UNC5A: variants seen among roughly 807,000 people sequenced by gnomAD.
UNC5A encodes the protein unc-5 netrin receptor A.
In UNC5A, 20 loss-of-function variants were observed where a neutral mutation model predicts 87.4. The ratio of observed to expected loss-of-function variants is 0.23; its 90% confidence interval spans 0.16 to 0.33. UNC5A has a LOEUF of 0.33. Ranked by LOEUF, UNC5A falls within the 10% of genes least tolerant of loss-of-function variation. The pLI is 1.00. For missense variants in UNC5A, 844 were observed against 1,133.4 expected (o/e 0.74, Z 3.67); for synonymous variants, 438 against 482.3 (o/e 0.91, Z 1.20).
rs773981145 is a variant in UNC5A at position 176,878,041 on chromosome 5, C to T, written c.1783C>T (p.Leu595=). 3.0e-5 allele frequency: 48 copies of T among 1,609,252 alleles called. No homozygotes were observed. Among genetic ancestry groups the T allele is most frequent in the Non-Finnish European group, 4.0e-5 (47 of 1,179,966 alleles). The change falls in exon 11 of 15, where the codon CTG becomes TTG. Residue 595 remains leucine (L), a synonymous_variant. Transcript: ENST00000329542. The part of the protein sequence containing the change: ...LSVAAAKRLK[L]LLFAPVACTS... ...CGTGGCTGCCGCCAAGCGCCTCAAG[C>T]TGCTTCTGTTTGCGCCGGTGGCCTG... is the stretch of plus-strand genomic sequence containing the variant.
At chr5:176,853,873 G>A (rs768993299) in intron 1 of UNC5A, among the ~76,000 whole-genome samples, 1 of 152,206 alleles carries the variant, frequency 6.6e-6, no homozygotes, top group Non-Finnish European at 1.5e-5. Context: ...GGACCAAGGG[G>A]ACGGGAAGGG....
At position 176,838,636 on chromosome 5, in the gene UNC5A, T is replaced by G. The variant is rs953358772; in HGVS notation, c.71-23988T>G. Among the ~76,000 whole-genome samples, 5 of 152,268 alleles carry G rather than the reference T, an allele frequency of 3.3e-5. No homozygotes were observed. The highest frequency in any genetic ancestry group is 1.2e-4 in the African/African-American group (5 of 41,482). ...GCTCGCTGTTCTGCTCTGTCTTCCC[T>G]GGTGTTGGCCATATCCTCGGCTTCC... On this transcript the variant is annotated intron_variant, in intron 1 of 14. Coordinates refer to ENST00000329542, the MANE Select transcript of UNC5A (RefSeq NM_133369.3). The surrounding 1 kb of genome is among the most constrained non-coding windows in gnomAD (Gnocchi z 4.2).
intron 1 of UNC5A, among the ~76,000 whole-genome samples, chr5:176,845,835 A>C (rs1757390410): frequency 6.6e-6 from 1 of 152,208 alleles, no homozygotes; most frequent in South Asian, 2.1e-4. Flanking sequence ...TCAGGCGATG[A>C]GGAGTGTGCT....
chr5:176,870,544 C>T lies in UNC5A; in HGVS notation c.886+10C>T, dbSNP rs541885695. On this transcript the variant is annotated intron_variant, in intron 6 of 14. Coordinates refer to ENST00000329542, the MANE Select transcript of UNC5A (RefSeq NM_133369.3). ...GACCTCTGTGTACACAGTGAGTCCT[C>T]TCTGCCCTGAGGTCCTCTTCTGTTT... 1.7e-4 allele frequency: 261 copies of T among 1,572,584 alleles called. 1 individual carries two copies. In the East Asian group the frequency reaches 5.8e-3, roughly 35 times the overall value.
At chr5:176,861,508 G>A (rs1355486104) in intron 1 of UNC5A, among the ~76,000 whole-genome samples, 1 of 152,222 alleles carries the variant, frequency 6.6e-6, no homozygotes, top group African/African-American at 2.4e-5. Flanking sequence ...GCAAGCAGGA[G>A]CGAAAGGGGC....
chr5:176,858,778 AGCAAGCAGGCAGGGAGGGAG>A (rs1554098990), intron 1 of UNC5A, among the ~76,000 whole-genome samples: 78 of 36,494 alleles, frequency 2.1e-3, no homozygotes, highest in Non-Finnish European at 3.3e-3. Flanking sequence ...AAGGAAGGCA[AGCAAGCAGGCAGGGAGGGAG>A]GGAGGGAAGG....
chr5:176,817,548 C>G (rs966826846), intron 1 of UNC5A, among the ~76,000 whole-genome samples: 4 of 152,162 alleles, frequency 2.6e-5, no homozygotes, highest in Non-Finnish European at 4.4e-5. Flanking sequence ...AGCTCTGCAT[C>G]TTTCCAGCAC....
At position 176,865,037 on chromosome 5, in the gene UNC5A, A is replaced by G; in HGVS notation, c.292+2192A>G. The G allele has an allele frequency of 2.8e-6, 1 of 351,434 alleles. No individual in the cohort carries two copies. The highest frequency in any genetic ancestry group is 8.0e-5 in the East Asian group (1 of 12,490). The allele number at this position is 351,434 out of a possible 1,614,324, so 21.8% of individuals were successfully genotyped here. A position where few individuals can be genotyped will look rare whatever the true frequency, so the allele number is the denominator to read the frequency against. On this transcript the variant is annotated intron_variant, in intron 2 of 14. Transcript: ENST00000329542. This position sits in a 1 kb window ranked among gnomAD's most constrained non-coding sequence, Gnocchi z 5.3. ...CTTCATCTGTAAAATGGGGGTGAGG[A>G]GACCTCCCCTCCATCCTGCCCCTTG...
At chr5:176,852,231 G>A (rs534019017) in intron 1 of UNC5A, among the ~76,000 whole-genome samples, 1 of 152,074 alleles carries the variant, frequency 6.6e-6, no homozygotes, top group South Asian at 2.1e-4. Context: ...TGAGAGGTGA[G>A]GGAGGCTCAC....
At chr5:176,852,970 G>C (rs781598427) in intron 1 of UNC5A, among the ~76,000 whole-genome samples, 1 of 152,252 alleles carries the variant, frequency 6.6e-6, no homozygotes, top group Non-Finnish European at 1.5e-5. Context: ...GGTGGCAGGC[G>C]TGAGGAGGAA....
chr5:176,829,444 G>A (rs1188293909), intron 1 of UNC5A, among the ~76,000 whole-genome samples: 1 of 139,642 alleles, frequency 7.2e-6, no homozygotes, highest in Non-Finnish European at 1.5e-5. Flanking sequence ...TGGATGGATG[G>A]ATAAAGTGGG....
chr5:176,814,572 G>A (rs1316181661), intron 1 of UNC5A, among the ~76,000 whole-genome samples: 1 of 152,148 alleles, frequency 6.6e-6, no homozygotes, highest in Non-Finnish European at 1.5e-5. Flanking sequence ...CCCTCCCAAA[G>A]GCCTCCCACC....
chr5:176,868,979 T>A lies in UNC5A; in HGVS notation c.721+15T>A. On this transcript the variant is annotated intron_variant, in intron 5 of 14. Coordinates refer to ENST00000329542, the MANE Select transcript of UNC5A (RefSeq NM_133369.3). Reference sequence around the variant, plus strand: ...CATCGTCTACGGTGGGCCCCGGGACTCCCTGGTCACAGGGAGAGGCACTGC... The same window carrying A: ...CATCGTCTACGGTGGGCCCCGGGACACCCTGGTCACAGGGAGAGGCACTGC... The A allele has an allele frequency of 6.3e-7, 1 of 1,583,394 alleles. No homozygotes were observed. Among genetic ancestry groups the A allele is most frequent in the South Asian group, 1.1e-5 (1 of 87,748 alleles).
rs1758320335 is a variant in UNC5A, at chr5:176,878,360, C to T, written c.1986C>T (p.Ser662=). The T allele has an allele frequency of 7.4e-6, 12 of 1,613,528 alleles. No homozygotes were observed. In the Admixed American group the frequency reaches 1.8e-4, roughly 25 times the overall value. The part of the protein sequence containing the change: ...LRLSIHDVPS[S]LWKSKLLVSY... ...TATCCATCCACGATGTGCCCAGCTC[C>T]CTGTGGAAGAGTAAGCTCCTTGTCA... Residue 662 remains serine, a synonymous_variant, in exon 12 of 15, where the codon TCC becomes TCT. Coordinates refer to ENST00000329542, the MANE Select transcript of UNC5A (RefSeq NM_133369.3).
chr5:176,863,338 TG>T (rs1757888780), intron 2 of UNC5A, among the ~76,000 whole-genome samples: 1 of 152,100 alleles, frequency 6.6e-6, no homozygotes. Flanking sequence ...ATGCCGGTGG[TG>T]GGGTCAGCAG....
At chr5:176,876,024 C>G (rs1172570212) in intron 8 of UNC5A, among the ~76,000 whole-genome samples, 2 of 152,234 alleles carry the variant, frequency 1.3e-5, no homozygotes, top group African/African-American at 4.8e-5. Flanking sequence ...CTCCCCAGGC[C>G]GGGGGGTGGC....
At chr5:176,828,909 C>A (rs1021724611) in intron 1 of UNC5A, among the ~76,000 whole-genome samples, 2 of 151,298 alleles carry the variant, frequency 1.3e-5, no homozygotes, top group African/African-American at 4.9e-5. Context: ...GGTGGGCGGA[C>A]CACAAGGTCA....
rs147243158 is a variant in UNC5A at position 176,870,463 on chromosome 5, G to T, written c.815G>T (p.Arg272Leu). 350 of 1,611,284 alleles carry T rather than the reference G, an allele frequency of 2.2e-4. 3 individuals are homozygous for T. In the African/African-American group the frequency reaches 3.9e-3, roughly 18 times the overall value. The change falls in exon 6 of 15, where the codon CGC becomes CTC. Residue 272 changes from arginine to leucine, a missense_variant. By Grantham distance (102) the Arg-to-Leu change is moderately radical. Transcript: ENST00000329542. ...CGTGAGTGCTCTGACCCAGCACCCCGCAACGGAGGGGAGGAGTGCCAGGGC... is the reference window on the plus strand; with the variant it reads ...CGTGAGTGCTCTGACCCAGCACCCCTCAACGGAGGGGAGGAGTGCCAGGGC... ...RSRECSDPAP[R>L]NGGEECQGTD...
chr5:176,876,047 C>T (rs751325868), intron 8 of UNC5A, among the ~76,000 whole-genome samples: 6 of 152,232 alleles, frequency 3.9e-5, no homozygotes, highest in Non-Finnish European at 8.8e-5. Context: ...CCACTTCCCC[C>T]GCATCCTGTG....
Sources: allele counts gnomAD v4.1 joint callset (sites outside exome capture counted in the v4.1 genomes callset), GRCh38; gene constraint gnomAD v4.1.1; non-coding constraint Gnocchi (gnomAD v3.1); transcripts MANE v1.5; gene names NCBI Gene and HGNC (gene_info 2026-07-23, HGNC 2026-07-21).